Variants in SYNPO observed in about 807,000 individuals in gnomAD.
SYNPO encodes synaptopodin.
A neutral mutation model predicts 49.5 loss-of-function variants in SYNPO; 19 were observed. The observed-to-expected ratio is 0.38, with a 90% CI of 0.27 to 0.56. The LOEUF (loss-of-function observed/expected upper bound fraction) is 0.56. SYNPO is among the 20% of genes least tolerant of loss of function. The pLI, the probability that SYNPO is intolerant of heterozygous loss-of-function variation, is 0.68. For synonymous variants in SYNPO, 536 were observed against 548.0 expected, an observed-to-expected ratio of 0.98 and a Z score of 0.31; for missense variants, 1,131 against 1,248.3, an observed-to-expected ratio of 0.91 and a Z score of 1.42.
intron 2 of SYNPO, among the ~76,000 whole-genome samples, chr5:150,620,913 C>CTTTA (rs1299344950): frequency 6.5e-4 from 84 of 128,992 alleles, no homozygotes; most frequent in African/African-American, 2.5e-3. Flanking sequence ...TTCTTTCTTT[C>CTTTA]TTTCTTTCTT....
At chr5:150,591,433 C>G in the SYNPO span, among the ~76,000 whole-genome samples, 12 of 152,324 alleles carry the variant, frequency 7.9e-5, no homozygotes, top group East Asian at 2.3e-3. Context: ...TTCCAGCCAT[C>G]AAGCCTGTGT....
chr5:150,614,256 AC>A (rs1291834379), intron 1 of SYNPO, among the ~76,000 whole-genome samples: 1 of 152,186 alleles, frequency 6.6e-6, no homozygotes, highest in Non-Finnish European at 1.5e-5. Flanking sequence ...GAGAATTCCA[AC>A]CCAGACCTGA....
rs1373911132 is a variant in SYNPO at position 150,618,777 on chromosome 5, T to C, written c.400+10T>C. ...GTGGCCCAGAAACCAGGTAAGCTTG[T>C]GTTCCTTTTCCCTTGGACTACCAGA... On this transcript the variant is annotated intron_variant, in intron 2 of 2. Transcript: ENST00000394243. 3.2e-6 allele frequency: 5 copies of C among 1,550,948 alleles called. No individual in the cohort carries two copies. In the East Asian group the frequency reaches 1.2e-4, roughly 38 times the overall value.
intron 1 of SYNPO, among the ~76,000 whole-genome samples, chr5:150,606,676 T>C (rs930889231): frequency 6.6e-6 from 1 of 152,156 alleles, no homozygotes; most frequent in Non-Finnish European, 1.5e-5. Flanking sequence ...GGAGGGAAAG[T>C]GACCTGCCCA....
intron 1 of SYNPO, among the ~76,000 whole-genome samples, chr5:150,607,778 T>TA (rs11370207): frequency 0.39 from 56,907 of 146,660 alleles, 10,781 homozygotes; most frequent in Middle Eastern, 0.52. Flanking sequence ...ACTAAAAAGT[T>TA]AAAAAAAAAA....
chr5:150,596,872 C>A (rs1192571829), upstream of SYNPO, among the ~76,000 whole-genome samples: 2 of 152,198 alleles, frequency 1.3e-5, no homozygotes, highest in African/African-American at 4.8e-5. Context: ...ATGCATTTCA[C>A]ACCCACGGGC....
chr5:150,609,786 C>CAG (rs1554107079), intron 1 of SYNPO, among the ~76,000 whole-genome samples: 1 of 105,358 alleles, frequency 9.5e-6, no homozygotes, highest in African/African-American at 3.7e-5. Flanking sequence ...GTGAATGTGG[C>CAG]GGGGGGGGGC....
intron 1 of SYNPO, among the ~76,000 whole-genome samples, chr5:150,605,850 G>A (rs569020448): frequency 2.6e-5 from 4 of 151,490 alleles, no homozygotes; most frequent in East Asian, 3.9e-4. Context: ...ACAAACGCAC[G>A]ACAGTCACAC....
chr5:150,628,144 G>C (rs747918343), intron 2 of SYNPO, among the ~76,000 whole-genome samples: 1 of 152,050 alleles, frequency 6.6e-6, no homozygotes, highest in Non-Finnish European at 1.5e-5. Flanking sequence ...GAGTCAACAT[G>C]GAAGCAGCCT....
chr5:150,606,089 GGATATCATGCA>G (rs749263935), intron 1 of SYNPO, among the ~76,000 whole-genome samples: 5 of 152,082 alleles, frequency 3.3e-5, no homozygotes, highest in Admixed American at 1.3e-4. Flanking sequence ...ACACACACGT[GGATATCATGCA>G]GATATCATGC....
At chr5:150,643,352 A>G (rs905393060) in intron 1 of SYNPO, among the ~76,000 whole-genome samples, 4 of 152,222 alleles carry the variant, frequency 2.6e-5, no homozygotes, top group African/African-American at 9.6e-5. Flanking sequence ...GAAATTAAAT[A>G]ATATGAGTAA....
At chr5:150,618,304 C>T (rs958942958) in exon 2 of SYNPO, 4 of 1,485,504 alleles carry the variant, frequency 2.7e-6, no homozygotes, top group African/African-American at 1.4e-5. Flanking sequence ...CAGCTGGCCC[C>T]AGCCCAGGCC....
intron 1 of SYNPO, among the ~76,000 whole-genome samples, chr5:150,608,701 A>G (rs1335422083): frequency 6.6e-6 from 1 of 152,146 alleles, no homozygotes; most frequent in Non-Finnish European, 1.5e-5. Context: ...ACCTGCGCAT[A>G]GGAACAACCT....
In SYNPO at chr5:150,658,883, T is replaced by C. The variant is rs1162691364; in HGVS notation, c.*1796T>C. 6.6e-6 allele frequency: 1 copy of C among 152,242 alleles called. No homozygotes were observed. Among genetic ancestry groups the C allele is most frequent in the Admixed American group, 6.5e-5 (1 of 15,268 alleles). 9.4% of individuals were successfully genotyped at this position (152,242 alleles called of 1,614,324 possible). On this transcript the variant is annotated 3_prime_UTR_variant, in exon 3 of 3. Transcript: ENST00000307662. ...GTGCTCTTACTCAGTTAATGATGAG[T>C]GACTATATTTACCAAAGCCCCTACC...
At chr5:150,624,887 G>A in intron 2 of SYNPO, 1 of 985,508 alleles carries the variant, frequency 1.0e-6, no homozygotes, top group Non-Finnish European at 1.2e-6. Flanking sequence ...GGAGCTCGGG[G>A]ACCGTGCGCA....
At chr5:150,604,130 G>T (rs2151335884) in intron 1 of SYNPO, among the ~76,000 whole-genome samples, 1 of 152,328 alleles carries the variant, frequency 6.6e-6, no homozygotes, top group Middle Eastern at 3.4e-3. Flanking sequence ...GGCCTTGTGG[G>T]TCCTGCTGAA....
intron 2 of SYNPO, among the ~76,000 whole-genome samples, chr5:150,619,918 G>A (rs1453119187): frequency 6.6e-6 from 1 of 152,042 alleles, no homozygotes; most frequent in Non-Finnish European, 1.5e-5. Flanking sequence ...ATCCCTCTAG[G>A]GCAGGAAGAA....
intron 2 of SYNPO, chr5:150,651,095 G>A (rs1001583769): frequency 2.7e-6 from 3 of 1,115,334 alleles, no homozygotes; most frequent in Non-Finnish European, 2.2e-6. Flanking sequence ...CTAGGGGTGG[G>A]GGACGTCCCA....
At chr5:150,604,613 A>T (rs1756640069) in intron 1 of SYNPO, among the ~76,000 whole-genome samples, 1 of 152,196 alleles carries the variant, frequency 6.6e-6, no homozygotes, top group Non-Finnish European at 1.5e-5. Context: ...AAAGAAAAAG[A>T]AGAGAAACTA....
Sources: allele counts gnomAD v4.1 joint callset (sites outside exome capture counted in the v4.1 genomes callset), GRCh38; gene constraint gnomAD v4.1.1; transcripts MANE v1.5; gene names NCBI Gene and HGNC (gene_info 2026-07-23, HGNC 2026-07-21).